The following IL1RAPL2 variants were observed in gnomAD, a reference collection of about 807,000 sequenced individuals.
The protein encoded by IL1RAPL2 is X-linked interleukin-1 receptor accessory protein-like 2.
In IL1RAPL2, 3 loss-of-function variants were observed where a neutral mutation model predicts 44.1. The observed-to-expected ratio is 0.07, with a 90% CI of 0.03 to 0.18. The LOEUF is 0.18. IL1RAPL2 is among the 10% of genes least tolerant of loss of function. The pLI is 1.00. For missense variants in IL1RAPL2, 391 were observed against 496.4 expected (o/e 0.79, Z 2.02); for synonymous variants, 181 against 178.8 (o/e 1.01, Z -0.10).
chrX:105,601,903 C>T (rs989776925), intron 6 of IL1RAPL2, among the ~76,000 whole-genome samples: 5 of 110,944 alleles, frequency 4.5e-5, no homozygotes, highest in African/African-American at 1.6e-4. Flanking sequence ...GCCCACATAG[C>T]ATCCTATACC....
chrX:105,269,820 C>T (rs920254005), intron 5 of IL1RAPL2, among the ~76,000 whole-genome samples: 3 of 111,986 alleles, frequency 2.7e-5, no homozygotes, highest in African/African-American at 9.7e-5. Context: ...TAGTATTTGG[C>T]TTGAGTTTCA....
intron 5 of IL1RAPL2, among the ~76,000 whole-genome samples, chrX:105,479,144 G>A (rs1332926756): frequency 9.0e-6 from 1 of 111,116 alleles, no homozygotes; most frequent in African/African-American, 3.3e-5. Flanking sequence ...AAAAGAAAGG[G>A]GGAGGTCTTA....
At chrX:104,931,308 A>C (rs1243921132) in intron 2 of IL1RAPL2, among the ~76,000 whole-genome samples, 7 of 109,511 alleles carry the variant, frequency 6.4e-5, no homozygotes, top group Admixed American at 3.0e-4. Context: ...TGGAAACAGA[A>C]ACATGGCAAA....
chrX:105,202,898 A>G (rs1277832991), intron 3 of IL1RAPL2, among the ~76,000 whole-genome samples: 1 of 111,909 alleles, frequency 8.9e-6, no homozygotes, highest in Admixed American at 9.5e-5. Flanking sequence ...ATTCATTGTC[A>G]TGGACCTCAA....
intron 2 of IL1RAPL2, among the ~76,000 whole-genome samples, chrX:104,827,555 A>C: frequency 9.0e-6 from 1 of 111,126 alleles, no homozygotes; most frequent in Non-Finnish European, 1.9e-5. Flanking sequence ...GCTGCTCTTA[A>C]CATTTTTTCC....
intron 2 of IL1RAPL2, among the ~76,000 whole-genome samples, chrX:104,708,015 G>A (rs1931390757): frequency 1.8e-5 from 2 of 111,833 alleles, no homozygotes; most frequent in Non-Finnish European, 3.8e-5. Context: ...GGAGAGGAGT[G>A]TGGCAGGTCT....
At chrX:105,467,531 C>A (rs764162730) in intron 5 of IL1RAPL2, among the ~76,000 whole-genome samples, 1 of 111,633 alleles carries the variant, frequency 9.0e-6, no homozygotes, top group African/African-American at 3.2e-5. Flanking sequence ...TATAGTTGTT[C>A]AAACATACAC....
chrX:105,483,751 C>T (rs2036247657), intron 5 of IL1RAPL2, among the ~76,000 whole-genome samples: 1 of 111,682 alleles, frequency 9.0e-6, no homozygotes, highest in African/African-American at 3.3e-5. Flanking sequence ...AAGATAAAGA[C>T]TTTACTTTCT....
intron 2 of IL1RAPL2, among the ~76,000 whole-genome samples, chrX:104,780,189 C>A (rs777323355): frequency 9.0e-6 from 1 of 111,595 alleles, no homozygotes; most frequent in African/African-American, 3.3e-5. Context: ...GAATATCAAA[C>A]AAATCCTAAG....
chrX:104,812,003 A>G (rs963032537), intron 2 of IL1RAPL2, among the ~76,000 whole-genome samples: 1 of 110,808 alleles, frequency 9.0e-6, no homozygotes, highest in African/African-American at 3.3e-5. Flanking sequence ...CCCATAGGTT[A>G]ATGAGTTTGG....
At chrX:104,941,150 C>T (rs1480705662) in intron 2 of IL1RAPL2, among the ~76,000 whole-genome samples, 2 of 110,472 alleles carry the variant, frequency 1.8e-5, no homozygotes, top group African/African-American at 6.6e-5. Flanking sequence ...GTGAATAGTG[C>T]CGCAATAAAC....
rs1374619133 is a variant in IL1RAPL2, at chrX:105,096,496, A to T, written c.83-98979A>T. ...TAAATAAAATGTGTTATAACCACACAATGGAGTATTTTGACATAAAAAGGG... is the reference window on the plus strand; with the variant it reads ...TAAATAAAATGTGTTATAACCACACTATGGAGTATTTTGACATAAAAAGGG... On this transcript the variant is annotated intron_variant, in intron 2 of 10. Transcript: ENST00000372582. 2.7e-5 allele frequency among the ~76,000 whole-genome samples: 3 copies of T among 112,825 alleles called. No individual in the cohort carries two copies. The Admixed American group carries it at 2.8e-4, about 11-fold the overall frequency.
At chrX:105,585,254 CT>C (rs1046283727) in intron 6 of IL1RAPL2, among the ~76,000 whole-genome samples, 1 of 109,730 alleles carries the variant, frequency 9.1e-6, no homozygotes, top group African/African-American at 3.3e-5. Flanking sequence ...ATTTTTTTTA[CT>C]TCTTTTGATG....
rs138842702 is a variant in IL1RAPL2 at position 105,696,026 on chromosome X, T to C, written c.773-21341T>C. ...ACTGTGACTTCTCTCCCAATCCTTT[T>C]AATTCCCCACCTCATGTATCCTGAC... is the stretch of plus-strand genomic sequence containing the variant. On this transcript the variant is annotated intron_variant, in intron 6 of 10. Coordinates refer to ENST00000372582, the MANE Select transcript of IL1RAPL2 (RefSeq NM_017416.2). Among the ~76,000 whole-genome samples the C allele has an allele frequency of 0.01, 1,149 of 112,133 alleles. 49 individuals are homozygous for C. The East Asian group carries it at 0.13, about 12-fold the overall frequency.
chrX:105,077,562 C>A (rs961907787), intron 2 of IL1RAPL2, among the ~76,000 whole-genome samples: 2 of 111,070 alleles, frequency 1.8e-5, no homozygotes, highest in African/African-American at 6.6e-5. Flanking sequence ...GTGGCGTTCT[C>A]TGTATTTCCT....
At chrX:104,683,906 C>A (rs1429621071) in intron 2 of IL1RAPL2, among the ~76,000 whole-genome samples, 2 of 112,063 alleles carry the variant, frequency 1.8e-5, no homozygotes, top group East Asian at 5.6e-4. Flanking sequence ...AGACCCTCCA[C>A]CTCACCTACT....
At chrX:105,433,821 A>G (rs886179076) in intron 5 of IL1RAPL2, among the ~76,000 whole-genome samples, 1 of 111,360 alleles carries the variant, frequency 9.0e-6, no homozygotes, top group Non-Finnish European at 1.9e-5. Context: ...CAGAAATGCA[A>G]AAGTTAATGA....
In IL1RAPL2 at chrX:105,767,048, G is replaced by A. The variant is rs759813558; in HGVS notation, c.1448G>A (p.Gly483Glu). The A allele has an allele frequency of 1.8e-5, 22 of 1,204,302 alleles. No individual in the cohort carries two copies. The highest frequency in any genetic ancestry group is 1.1e-6 in the Non-Finnish European group (1 of 890,187). ...ACTCCAGACTATATTCTCAGACGGG[G>A]ATGGAGTATTTTCGAACTGGAAAGC... Reference protein sequence around the residue: ...VLTPDYILRRGWSIFELESRL... With the variant: ...VLTPDYILRREWSIFELESRL... The change falls in exon 11 of 11, where the codon GGA (glycine) becomes GAA (glutamate). Residue 483 changes from glycine (G) to glutamate (E), a missense_variant. Physicochemically the swap from Gly to Glu is moderately conservative, Grantham distance 98. This residue lies in a region of IL1RAPL2 where 232 missense variants were observed against 244.8 expected (regional missense o/e 0.95). Coordinates refer to ENST00000372582, the MANE Select transcript of IL1RAPL2 (RefSeq NM_017416.2).
chrX:105,533,143 G>A (rs1602453783), intron 6 of IL1RAPL2, among the ~76,000 whole-genome samples: 1 of 110,788 alleles, frequency 9.0e-6, no homozygotes, highest in Non-Finnish European at 1.9e-5. Flanking sequence ...TGAGCAGAGA[G>A]CATGCCACTG....
Sources: allele counts gnomAD v4.1 joint callset (sites outside exome capture counted in the v4.1 genomes callset), GRCh38; gene constraint gnomAD v4.1.1; regional missense constraint gnomAD v4.1.1; transcripts MANE v1.5; gene names NCBI Gene and HGNC (gene_info 2026-07-23, HGNC 2026-07-21).